Variants in RGS18 observed in about 807,000 individuals in gnomAD.
RGS18 encodes the protein regulator of G protein signaling 18.
RGS18 carries 22 observed loss-of-function variants against 27.6 expected under a neutral mutation model. That is an observed-to-expected ratio of 0.80 (90% confidence interval 0.57 to 1.14). The LOEUF (loss-of-function observed/expected upper bound fraction) is 1.14, where lower values mean the gene tolerates loss of function less well. Among genes scored for constraint, RGS18 ranks in the 50% most tolerant of loss-of-function variants. RGS18 has a pLI of 0.00. For synonymous variants in RGS18, 89 were observed against 84.6 expected, an observed-to-expected ratio of 1.05 and a Z score of -0.29; for missense variants, 299 against 269.6, an observed-to-expected ratio of 1.11 and a Z score of -0.76.
At chr1:192,163,869 ATTTT>A (rs67421126) in intron 3 of RGS18, among the ~76,000 whole-genome samples, 68 of 137,518 alleles carry the variant, frequency 4.9e-4, no homozygotes, top group African/African-American at 1.8e-3. Flanking sequence ...ATATATATAT[ATTTT>A]TTTTTTTTCT....
In RGS18 at chr1:192,181,422, A is replaced by G; in HGVS notation, c.414A>G (p.Ile138Met). The G allele has an allele frequency of 6.3e-7, 1 of 1,582,908 alleles. No homozygotes were observed. The highest frequency in any genetic ancestry group is 8.6e-7 in the Non-Finnish European group (1 of 1,167,494). ...AAATTCACCTTAAAGCAAAAGCAAT[A>G]TATGAGAAATTTATACAGACTGATG... ...PQQIHLKAKAIYEKFIQTDAP... is the reference protein window; with the variant it reads ...PQQIHLKAKAMYEKFIQTDAP... The change falls in exon 4 of 5, where the codon ATA becomes ATG. Residue 138 changes from isoleucine to methionine, a missense_variant. Transcript: ENST00000367460.
intron 3 of RGS18, among the ~76,000 whole-genome samples, chr1:192,175,589 G>A (rs1386346188): frequency 4.0e-5 from 6 of 151,854 alleles, no homozygotes; most frequent in Non-Finnish European, 8.8e-5. Flanking sequence ...TTCTACGGCT[G>A]AGCCAGAAAT....
chr1:192,184,489 C>CG lies in RGS18; in HGVS notation c.644dup (p.Ser216IlefsTer8). 25 of 1,611,328 alleles carry CG rather than the reference C, an allele frequency of 1.6e-5. No individual in the cohort carries two copies. Among genetic ancestry groups the CG allele is most frequent in the Non-Finnish European group, 2.1e-5 (25 of 1,178,256 alleles). On this transcript the variant is annotated frameshift_variant, in exon 5 of 5. Transcript: ENST00000367460. LOFTEE classifies it high-confidence loss of function. ...TCAGAGACCAACAAATCTTAGGAGA[C>CG]GATCACGCTCATTTACCTGCAATGA... is the stretch of plus-strand genomic sequence containing the variant.
chr1:192,173,089 C>T (rs896300483), intron 3 of RGS18, among the ~76,000 whole-genome samples: 5 of 151,414 alleles, frequency 3.3e-5, no homozygotes, highest in Non-Finnish European at 5.9e-5. Context: ...TACCATACTT[C>T]TACCAATAGA....
intron 3 of RGS18, among the ~76,000 whole-genome samples, chr1:192,173,918 A>G (rs901215810): frequency 3.3e-5 from 5 of 150,202 alleles, no homozygotes; most frequent in African/African-American, 9.8e-5. Flanking sequence ...TTTTATTTTT[A>G]TTTTTTCTTC....
At chr1:192,171,372 A>G (rs1397403166) in intron 3 of RGS18, among the ~76,000 whole-genome samples, 1 of 152,010 alleles carries the variant, frequency 6.6e-6, no homozygotes, top group African/African-American at 2.4e-5. Flanking sequence ...TTTGACTAGA[A>G]ATTATCTTAC....
Position 192,184,608 on chromosome 1 carries a change from T to C in RGS18, c.*54T>C. On this transcript the variant is annotated 3_prime_UTR_variant, in exon 5 of 5. Coordinates refer to ENST00000367460, the MANE Select transcript of RGS18 (RefSeq NM_130782.3). ...CAAACTTATACATCTGCTTCTAACA[T>C]ATCGCATGTTTATGTTAAGATTTGG... The C allele has an allele frequency of 6.7e-7, 1 of 1,496,654 alleles. No homozygotes were observed. The highest frequency in any genetic ancestry group is 9.2e-7 in the Non-Finnish European group (1 of 1,085,696). 92.7% of individuals were successfully genotyped at this position (1,496,654 alleles called of 1,614,324 possible).
Position 192,184,452 on chromosome 1 carries a change from G to A in RGS18, c.606G>A (p.Met202Ile), listed in dbSNP as rs1222606672. ...FLKSDIYLDL[M>I]EGRPQRPTNL... ...AATCTGACATCTATTTAGACTTGAT[G>A]GAAGGAAGACCTCAGAGACCAACAA... The change falls in exon 5 of 5, where the codon ATG (methionine) becomes ATA (isoleucine). Residue 202 changes from methionine (M) to isoleucine (I), a missense_variant. Transcript: ENST00000367460. 1.2e-6 allele frequency: 2 copies of A among 1,611,590 alleles called. No homozygotes were observed. The highest frequency in any genetic ancestry group is 1.6e-4 in the Middle Eastern group (1 of 6,068).
chr1:192,174,040 T>TTTGTGCAA (rs769774928), intron 3 of RGS18, among the ~76,000 whole-genome samples: 5 of 151,644 alleles, frequency 3.3e-5, no homozygotes, highest in Non-Finnish European at 7.4e-5. Context: ...AGACCACCAT[T>TTTGTGCAA]TTGTGCAATA....
chr1:192,172,864 C>CATATATATATATATAT (rs549568195), intron 3 of RGS18, among the ~76,000 whole-genome samples: 228 of 135,518 alleles, frequency 1.7e-3, no homozygotes, highest in East Asian at 3.8e-3. Context: ...GAAAAATATG[C>CATATATATATATATAT]ATATATATAT....
At position 192,184,635 on chromosome 1, in the gene RGS18, C is replaced by A. The variant is rs988199424; in HGVS notation, c.*81C>A. The A allele has an allele frequency of 7.3e-7, 1 of 1,361,728 alleles. No individual in the cohort carries two copies. The highest frequency in any genetic ancestry group is 1.4e-5 in the South Asian group (1 of 73,470). The allele number at this position is 1,361,728 out of a possible 1,614,324, so 84.4% of individuals were successfully genotyped here. A position where few individuals can be genotyped will look rare whatever the true frequency, so the allele number is the denominator to read the frequency against. ...TCGCATGTTTATGTTAAGATTTGGTCCCATCCTTTAAACTGAAATATGTCA... is the reference window on the plus strand; with the variant it reads ...TCGCATGTTTATGTTAAGATTTGGTACCATCCTTTAAACTGAAATATGTCA... On this transcript the variant is annotated 3_prime_UTR_variant, in exon 5 of 5. Coordinates refer to ENST00000367460, the MANE Select transcript of RGS18 (RefSeq NM_130782.3).
At chr1:192,175,752 G>A (rs921003188) in intron 3 of RGS18, among the ~76,000 whole-genome samples, 3 of 151,766 alleles carry the variant, frequency 2.0e-5, no homozygotes, top group Non-Finnish European at 4.4e-5. Flanking sequence ...GGAGGCTTCT[G>A]GGTCCCCTTA....
Position 192,185,757 on chromosome 1 carries a change from A to C in RGS18, c.*1203A>C, listed in dbSNP as rs539307539. ...AAACTTTAGATCATTTGTAGTAATA[A>C]ATATTTTTAACTTCATTCATACAGT... On this transcript the variant is annotated 3_prime_UTR_variant, in exon 5 of 5. Transcript: ENST00000367460. The C allele has an allele frequency of 1.3e-5, 2 of 151,730 alleles. No individual in the cohort carries two copies. Among genetic ancestry groups the C allele is most frequent in the East Asian group, 3.9e-4 (2 of 5,130 alleles). 9.4% of individuals were successfully genotyped at this position (151,730 alleles called of 1,614,324 possible).
At chr1:192,179,994 G>C (rs1656424043) in intron 3 of RGS18, among the ~76,000 whole-genome samples, 1 of 151,620 alleles carries the variant, frequency 6.6e-6, no homozygotes, top group East Asian at 1.9e-4. Context: ...AACTTCCTAC[G>C]AGTTCATGTA....
At chr1:192,161,981 T>A (rs1251266858) in intron 3 of RGS18, among the ~76,000 whole-genome samples, 8 of 152,212 alleles carry the variant, frequency 5.3e-5, no homozygotes, top group Non-Finnish European at 1.0e-4. Flanking sequence ...CTGAAAACTT[T>A]CCCTCTGCCA....
chr1:192,166,908 T>A (rs182643219), intron 3 of RGS18, among the ~76,000 whole-genome samples: 1 of 152,318 alleles, frequency 6.6e-6, no homozygotes, highest in Admixed American at 6.5e-5. Context: ...CTCACATTGT[T>A]GATAATTGCT....
At position 192,168,274 on chromosome 1, in the gene RGS18, T is replaced by C. The variant is rs537119603; in HGVS notation, c.283+7835T>C. The C allele has an allele frequency of 2.6e-5, 4 of 152,278 alleles. No homozygotes were observed. The East Asian group carries it at 7.7e-4, about 29-fold the overall frequency. 9.4% of individuals were successfully genotyped at this position (152,278 alleles called of 1,614,324 possible). A position where few individuals can be genotyped will look rare whatever the true frequency, so the allele number is the denominator to read the frequency against. On this transcript the variant is annotated intron_variant, in intron 3 of 4. Transcript: ENST00000367460. ...AGCATTGCACATTACTTTAAAAAAGTTATTTACTTAAAATTTTAATTAATA... is the reference window on the plus strand; with the variant it reads ...AGCATTGCACATTACTTTAAAAAAGCTATTTACTTAAAATTTTAATTAATA...
At chr1:192,179,869 T>G (rs1317153233) in intron 3 of RGS18, among the ~76,000 whole-genome samples, 5 of 151,628 alleles carry the variant, frequency 3.3e-5, no homozygotes, top group Non-Finnish European at 5.9e-5. Flanking sequence ...TGTAACTTTC[T>G]GTATCTTGAT....
chr1:192,181,075 C>A (rs756902472), intron 3 of RGS18, among the ~76,000 whole-genome samples: 2 of 151,558 alleles, frequency 1.3e-5, no homozygotes, highest in Non-Finnish European at 3.0e-5. Context: ...GAGTGAGATA[C>A]TGGCCTTATT....
Sources: gnomAD v4.1 joint callset for allele counts (sites outside exome capture counted in the v4.1 genomes callset) on GRCh38, gnomAD v4.1.1 for gene constraint, MANE v1.5 for transcripts, NCBI Gene and HGNC (gene_info 2026-07-23, HGNC 2026-07-21) for gene names.